GOT2: variants seen among roughly 807,000 people sequenced by gnomAD.
GOT2 encodes the protein glutamic-oxaloacetic transaminase 2.
In GOT2, 17 loss-of-function variants were observed where a neutral mutation model predicts 50.0. That is an observed-to-expected ratio of 0.34 (90% CI 0.23 to 0.51). GOT2 has a LOEUF of 0.51. Ranked by LOEUF, GOT2 falls within the 20% of genes least tolerant of loss-of-function variation. The pLI is 0.97. For synonymous variants in GOT2, 172 were observed against 204.9 expected (o/e 0.84, Z 1.37); for missense variants, 430 against 559.6 (o/e 0.77, Z 2.34).
intron 8 of GOT2, among the ~76,000 whole-genome samples, chr16:58,711,818 C>T (rs13334922): frequency 0.043 from 6,594 of 152,172 alleles, 446 homozygotes; most frequent in African/African-American, 0.15. Flanking sequence ...ATGAACAGGG[C>T]TAGATGTGGA....
At chr16:58,723,093 G>A (rs969625317) in intron 2 of GOT2, among the ~76,000 whole-genome samples, 1 of 152,284 alleles carries the variant, frequency 6.6e-6, no homozygotes, top group East Asian at 1.9e-4. Flanking sequence ...TCTGTTAAAT[G>A]GAGGAACTAT....
At chr16:58,720,576 C>A (rs1239139426) in intron 3 of GOT2, among the ~76,000 whole-genome samples, 1 of 143,658 alleles carries the variant, frequency 7.0e-6, no homozygotes, top group Non-Finnish European at 1.5e-5. Context: ...AAAGGCACAA[C>A]AATTTTTTTT....
rs1231106789 is a variant in GOT2, at chr16:58,709,493, T to G, written c.1094A>C (p.Glu365Ala). The G allele has an allele frequency of 6.2e-7, 1 of 1,613,790 alleles. No individual in the cohort carries two copies. The highest frequency in any genetic ancestry group is 1.3e-5 in the African/African-American group (1 of 74,934). ...GTGTTGCCAATTGTGGGTGGAACCC[T>G]CCTTCTTGAGGTTGGAGACCAGTTG... Reference protein sequence around the residue: ...RTQLVSNLKKEGSTHNWQHIT... With the variant: ...RTQLVSNLKKAGSTHNWQHIT... The change falls in exon 9 of 10, where the codon GAG (glutamate) becomes GCG (alanine). Residue 365 changes from glutamate (E) to alanine (A), a missense_variant. Glu to Ala is a moderately radical substitution (Grantham distance 107, BLOSUM62 -1). Coordinates refer to ENST00000245206, the MANE Select transcript of GOT2 (RefSeq NM_002080.4).
Position 58,719,198 on chromosome 16 carries a change from G to C in GOT2, c.433C>G (p.Leu145Val). 6.2e-7 allele frequency: 1 copy of C among 1,611,598 alleles called. No homozygotes were observed. The highest frequency in any genetic ancestry group is 8.5e-7 in the Non-Finnish European group (1 of 1,177,778). ...CCTGAAGAAGCTTCCAGACTCACCA[G>C]AAAACTGGCTCCGATCCTTAAGGCT... ...TGALRIGASFLQRFFKFSRDV... is the reference protein window; with the variant it reads ...TGALRIGASFVQRFFKFSRDV... Residue 145 changes from leucine to valine, a missense_variant and splice_region_variant, in exon 4 of 10, where the codon CTG (leucine) becomes GTG (valine). By Grantham distance (32) the Leu-to-Val change is conservative. Coordinates refer to ENST00000245206, the MANE Select transcript of GOT2 (RefSeq NM_002080.4).
rs769056806 is a variant in GOT2, at chr16:58,715,996, AG to A, written c.1019+17del. The A allele has an allele frequency of 1.1e-5, 17 of 1,592,888 alleles. No homozygotes were observed. In the African/African-American group the frequency reaches 2.0e-4, roughly 19 times the overall value. The stretch of plus-strand genomic sequence containing the variant: ...GGTGGGAACAGGTAGGTGGCTGGGG[AG>A]TGGCATAAACCTTTACCATTGTTTT... On this transcript the variant is annotated intron_variant, in intron 8 of 9. Transcript: ENST00000245206.
chr16:58,720,654 C>T (rs2044733733), intron 3 of GOT2, among the ~76,000 whole-genome samples: 1 of 151,440 alleles, frequency 6.6e-6, no homozygotes, highest in South Asian at 2.1e-4. Context: ...ACTTGGCTCA[C>T]TGCAACCTCC....
At chr16:58,716,569 C>G (rs1265730320) in intron 7 of GOT2, 94 bp downstream of exon 7, 2 of 973,236 alleles carry the variant, frequency 2.1e-6, no homozygotes, top group Non-Finnish European at 3.0e-6. Flanking sequence ...GACACACACA[C>G]ACACACACAC....
In GOT2 at chr16:58,708,244, C is replaced by A; in HGVS notation, c.1220G>T (p.Arg407Leu). The change falls in exon 10 of 10, where the codon CGC (arginine) becomes CTC (leucine). Residue 407 changes from arginine (R) to leucine (L), a missense_variant. By Grantham distance (102) the Arg-to-Leu change is moderately radical. Transcript: ENST00000245206. The stretch of plus-strand genomic sequence containing the variant: ...GGAGGTGACCCCTGCCACAGAGATG[C>A]GGCCATCTTTTGTCATGTAGATGGA... ...EFSIYMTKDGRISVAGVTSSN... is the reference protein window; with the variant it reads ...EFSIYMTKDGLISVAGVTSSN... 1 of 1,613,770 alleles carries A rather than the reference C, an allele frequency of 6.2e-7. No homozygotes were observed. The highest frequency in any genetic ancestry group is 8.5e-7 in the Non-Finnish European group (1 of 1,179,690).
intron 1 of GOT2, 29 bp downstream of exon 1, chr16:58,734,111 T>G: frequency 7.9e-7 from 1 of 1,267,692 alleles, no homozygotes; most frequent in Non-Finnish European, 1.0e-6. Context: ...GCCATCGCCC[T>G]GGCTCCATCT....
intron 1 of GOT2, among the ~76,000 whole-genome samples, chr16:58,727,451 G>A (rs1034089135): frequency 1.3e-5 from 2 of 151,916 alleles, no homozygotes; most frequent in Non-Finnish European, 2.9e-5. Flanking sequence ...ACTTTTCTAG[G>A]CTTTATGATC....
At chr16:58,729,264 T>C (rs890197232) in intron 1 of GOT2, among the ~76,000 whole-genome samples, 2 of 149,122 alleles carry the variant, frequency 1.3e-5, no homozygotes, top group Non-Finnish European at 3.0e-5. Context: ...GCCACCTGTC[T>C]ATCTACATCA....
intron 3 of GOT2, 133 bp downstream of exon 3, chr16:58,722,017 T>C (rs2044744460): frequency 1.1e-6 from 1 of 884,158 alleles, no homozygotes; most frequent in Non-Finnish European, 1.8e-6. Flanking sequence ...CGACCTCAGA[T>C]GAACCACCCG....
At chr16:58,716,578 A>ACC (rs2044695229) in intron 7 of GOT2, 85 bp downstream of exon 7, 1 of 1,143,702 alleles carries the variant, frequency 8.7e-7, no homozygotes, top group South Asian at 1.4e-5. Flanking sequence ...ACACACACAC[A>ACC]CACACACACA....
chr16:58,722,297 A>T lies in GOT2; in HGVS notation c.247-19T>A. The T allele has an allele frequency of 6.2e-7, 1 of 1,610,894 alleles. No individual in the cohort carries two copies. The highest frequency in any genetic ancestry group is 1.7e-4 in the Middle Eastern group (1 of 5,922). On this transcript the variant is annotated intron_variant, in intron 2 of 9. Transcript: ENST00000245206. ...CCTCTGCCTAGACAAGAGAAAATAC[A>T]TCCATTGAATTTCTTCTCCTTACTT...
chr16:58,716,637 G>A (rs2044696745), intron 7 of GOT2, 26 bp downstream of exon 7: 1 of 1,603,900 alleles, frequency 6.2e-7, no homozygotes, highest in Non-Finnish European at 8.5e-7. Flanking sequence ...ATGAGAGCAT[G>A]TGTCATGCTG....
chr16:58,725,693 C>T (rs191427186), intron 1 of GOT2, among the ~76,000 whole-genome samples: 7 of 152,284 alleles, frequency 4.6e-5, no homozygotes, highest in South Asian at 2.1e-4. Context: ...AGTTGTACTG[C>T]GTGTGTTCAC....
rs541543249 is a variant in GOT2, at chr16:58,718,605, G to A, written c.519C>T (p.Gly173=). The A allele has an allele frequency of 1.9e-5, 30 of 1,611,546 alleles. No homozygotes were observed. In the South Asian group the frequency reaches 3.3e-4, roughly 18 times the overall value. Residue 173 remains glycine, a synonymous_variant, in exon 5 of 10, where the codon GGC becomes GGT. Coordinates refer to ENST00000245206, the MANE Select transcript of GOT2 (RefSeq NM_002080.4). ...AATACCGATAACCTTGTAGCTGCAT[G>A]CCAGCATCCCTGAAGATGGGTGTGT... ...GNHTPIFRDA[G]MQLQGYRYYD...
At chr16:58,729,625 T>G (rs1278458804) in intron 1 of GOT2, among the ~76,000 whole-genome samples, 1 of 152,158 alleles carries the variant, frequency 6.6e-6, no homozygotes, top group African/African-American at 2.4e-5. Flanking sequence ...TCTTGTTAAA[T>G]GGTGTGAAAA....
chr16:58,721,372 C>T (rs2044738726), intron 3 of GOT2, among the ~76,000 whole-genome samples: 2 of 152,110 alleles, frequency 1.3e-5, no homozygotes, highest in South Asian at 4.1e-4. Flanking sequence ...TTTCTGTGTC[C>T]ATGTGGGCTG....
Sources: gnomAD v4.1 joint callset for allele counts (sites outside exome capture counted in the v4.1 genomes callset) on GRCh38, gnomAD v4.1.1 for gene constraint, MANE v1.5 for transcripts, NCBI Gene and HGNC (gene_info 2026-07-23, HGNC 2026-07-21) for gene names.